The following KAZN variants were observed in gnomAD, a reference collection of about 807,000 sequenced individuals.
The protein encoded by KAZN is kazrin.
KAZN carries 40 observed loss-of-function variants against 87.4 expected under a neutral mutation model. That is an observed-to-expected ratio of 0.46 (90% CI 0.36 to 0.60). The LOEUF is 0.60. Ranked by LOEUF, KAZN falls within the 20% of genes least tolerant of loss-of-function variation. The probability of loss-of-function intolerance (pLI) is 0.00; values close to 1 mark genes in which losing one functional copy is unlikely to be tolerated. For synonymous variants in KAZN, 466 were observed against 458.3 expected (o/e 1.02, Z -0.22); for missense variants, 898 against 1,073.9 (o/e 0.84, Z 2.29).
intron 2 of KAZN, among the ~76,000 whole-genome samples, chr1:14,589,438 A>G (rs555871230): frequency 6.6e-6 from 1 of 152,328 alleles, no homozygotes; most frequent in East Asian, 1.9e-4. Context: ...ATTGAACAAA[A>G]TATCTCCCTT....
At chr1:14,881,695 C>T (rs537405385) in intron 1 of KAZN, among the ~76,000 whole-genome samples, 23 of 152,294 alleles carry the variant, frequency 1.5e-4, no homozygotes, top group Admixed American at 1.2e-3. Flanking sequence ...TGTCAAATCA[C>T]CTGGAATCAA....
At chr1:14,061,867 G>A (rs1642808999) in intron 1 of KAZN, among the ~76,000 whole-genome samples, 3 of 152,124 alleles carry the variant, frequency 2.0e-5, no homozygotes, top group South Asian at 2.1e-4. Context: ...GAGAGAATTC[G>A]GAAGACTGTC....
At chr1:14,629,552 T>C (rs1282268839) in intron 1 of KAZN, among the ~76,000 whole-genome samples, 1 of 152,206 alleles carries the variant, frequency 6.6e-6, no homozygotes, top group Non-Finnish European at 1.5e-5. Flanking sequence ...CTGCCTCTTC[T>C]TTGCTCCCTC....
chr1:14,955,602 C>T lies in KAZN; in HGVS notation c.227-5082C>T, dbSNP rs540821771. Reference sequence around the variant, plus strand: ...CCTGCAGGTGCCGCACCTGGTGACCCGCCCTGGAGGCTCCCATCAACTTAC... The same window carrying T: ...CCTGCAGGTGCCGCACCTGGTGACCTGCCCTGGAGGCTCCCATCAACTTAC... On this transcript the variant is annotated intron_variant, in intron 1 of 14. Transcript: ENST00000376030. Among the ~76,000 whole-genome samples, 8 of 151,486 alleles carry T rather than the reference C, an allele frequency of 5.3e-5. No individual in the cohort carries two copies. The South Asian group carries it at 1.0e-3, about 20-fold the overall frequency.
chr1:14,062,719 C>T (rs114445087), intron 1 of KAZN, among the ~76,000 whole-genome samples: 6 of 152,100 alleles, frequency 3.9e-5, no homozygotes, highest in African/African-American at 9.6e-5. Flanking sequence ...ATCAAATGAC[C>T]GTCCAAATCA....
At chr1:14,431,660 C>T (rs1233607672) in intron 2 of KAZN, among the ~76,000 whole-genome samples, 1 of 152,162 alleles carries the variant, frequency 6.6e-6, no homozygotes, top group Non-Finnish European at 1.5e-5. Context: ...AATAACCTTG[C>T]TAGCTGGGTC....
intron 1 of KAZN, among the ~76,000 whole-genome samples, chr1:14,146,444 G>C (rs926164606): frequency 3.3e-5 from 5 of 149,422 alleles, no homozygotes; most frequent in African/African-American, 1.2e-4. Context: ...GCTGAGGCAG[G>C]AGAATTGTTT....
At chr1:14,836,897 A>AT (rs1245917949) in intron 1 of KAZN, among the ~76,000 whole-genome samples, 1 of 152,182 alleles carries the variant, frequency 6.6e-6, no homozygotes, top group Non-Finnish European at 1.5e-5. Flanking sequence ...AGTACTTGAA[A>AT]CTAATGAGCC....
chr1:14,585,351 C>A (rs1571987006), intron 2 of KAZN, among the ~76,000 whole-genome samples: 1 of 152,142 alleles, frequency 6.6e-6, no homozygotes, highest in South Asian at 2.1e-4. Context: ...TGGCTTGCAA[C>A]CATATTCATT....
chr1:14,792,390 T>G (rs1419195247), intron 1 of KAZN, among the ~76,000 whole-genome samples: 1 of 152,216 alleles, frequency 6.6e-6, no homozygotes, highest in Non-Finnish European at 1.5e-5. Flanking sequence ...TGGATTATTT[T>G]TCAGCCATAC....
chr1:14,565,798 T>C (rs999518501), intron 2 of KAZN, among the ~76,000 whole-genome samples: 3 of 152,228 alleles, frequency 2.0e-5, no homozygotes, highest in African/African-American at 7.2e-5. Context: ...CAACTCCTCA[T>C]CTATTCAAAT....
At chr1:14,666,811 C>G (rs1639584419) in intron 1 of KAZN, among the ~76,000 whole-genome samples, 1 of 152,154 alleles carries the variant, frequency 6.6e-6, no homozygotes, top group South Asian at 2.1e-4. Context: ...GGTCTTGACT[C>G]ACTGCAACCT....
intron 2 of KAZN, among the ~76,000 whole-genome samples, chr1:14,408,474 C>T (rs1467052690): frequency 1.3e-5 from 2 of 152,162 alleles, no homozygotes; most frequent in Non-Finnish European, 2.9e-5. Context: ...GTGGTTTAAA[C>T]AACAGACATT....
intron 1 of KAZN, among the ~76,000 whole-genome samples, chr1:14,175,545 T>G (rs1290097243): frequency 1.3e-5 from 2 of 152,196 alleles, no homozygotes; most frequent in East Asian, 3.8e-4. Context: ...CATGTTTTGG[T>G]GATTAAGCCT....
intron 1 of KAZN, among the ~76,000 whole-genome samples, chr1:14,756,066 C>T (rs141040056): frequency 2.2e-3 from 331 of 152,286 alleles, no homozygotes; most frequent in Non-Finnish European, 3.6e-3. Context: ...ACGGTACTTC[C>T]TGCCTTCTGC....
intron 2 of KAZN, among the ~76,000 whole-genome samples, chr1:14,292,989 T>C (rs1653833318): frequency 2.0e-5 from 3 of 152,200 alleles, no homozygotes; most frequent in Admixed American, 6.5e-5. Context: ...CTGAGCATGC[T>C]GGTGAAGTGG....
chr1:14,131,195 G>A (rs1644985057), intron 1 of KAZN, among the ~76,000 whole-genome samples: 1 of 152,152 alleles, frequency 6.6e-6, no homozygotes, highest in South Asian at 2.1e-4. Flanking sequence ...GGAACAGCAA[G>A]GAGGAAATCT....
intron 1 of KAZN, among the ~76,000 whole-genome samples, chr1:14,092,895 G>A (rs528260445): frequency 1.6e-4 from 25 of 152,182 alleles, no homozygotes; most frequent in Non-Finnish European, 2.8e-4. Flanking sequence ...TGAAATAATC[G>A]TATTTAGGAG....
intron 1 of KAZN, among the ~76,000 whole-genome samples, chr1:14,833,695 C>T (rs1434148214): frequency 3.3e-5 from 5 of 151,970 alleles, no homozygotes; most frequent in Non-Finnish European, 7.4e-5. Context: ...TACAGGTGCC[C>T]GGGGGAAAGC....
Sources: gnomAD v4.1 joint callset for allele counts (sites outside exome capture counted in the v4.1 genomes callset) on GRCh38, gnomAD v4.1.1 for gene constraint, MANE v1.5 for transcripts, NCBI Gene and HGNC (gene_info 2026-07-23, HGNC 2026-07-21) for gene names.